Variants in ZNF85 observed in about 807,000 individuals in gnomAD.
The protein encoded by ZNF85 is zinc finger protein 85, also known as zinc finger protein 85 (HPF4, HTF1).
A neutral mutation model predicts 53.9 loss-of-function variants in ZNF85; 50 were observed. The observed-to-expected ratio is 0.93, with a 90% confidence interval of 0.74 to 1.17. The LOEUF (loss-of-function observed/expected upper bound fraction) is 1.17, where lower values mean the gene tolerates loss of function less well. Ranked by LOEUF, ZNF85 falls within the 50% of genes most tolerant of loss-of-function variation. The pLI, the probability that ZNF85 is intolerant of heterozygous loss-of-function variation, is 0.00. For missense variants in ZNF85, 747 were observed against 688.5 expected (o/e 1.08, Z -0.95); for synonymous variants, 225 against 226.1 (o/e 1.00, Z 0.04).
chr19:20,925,588 A>C (rs151059957), intron 1 of ZNF85, among the ~76,000 whole-genome samples: 2 of 152,208 alleles, frequency 1.3e-5, no homozygotes, highest in Non-Finnish European at 2.9e-5. Context: ...TAGTATCCCA[A>C]AAGACAAAAA....
intron 3 of ZNF85, among the ~76,000 whole-genome samples, chr19:20,941,433 T>C (rs563522342): frequency 2.6e-4 from 40 of 152,260 alleles, no homozygotes; most frequent in African/African-American, 8.9e-4. Context: ...CGGCTAATTT[T>C]TATATTTTTA....
chr19:20,928,865 C>T (rs1972940719), intron 1 of ZNF85, among the ~76,000 whole-genome samples: 2 of 152,012 alleles, frequency 1.3e-5, no homozygotes, highest in Admixed American at 1.3e-4. Flanking sequence ...TTTACCCCAC[C>T]CATGAAGTTT....
chr19:20,929,665 C>T (rs1972961440), intron 1 of ZNF85, among the ~76,000 whole-genome samples: 1 of 152,140 alleles, frequency 6.6e-6, no homozygotes. Context: ...CTTAGGTAAG[C>T]TTAGGAAAAA....
chr19:20,926,584 C>CAA (rs34902821), intron 1 of ZNF85, among the ~76,000 whole-genome samples: 202 of 148,860 alleles, frequency 1.4e-3, no homozygotes, highest in Non-Finnish European at 1.9e-3. Context: ...ATTGAGCCTA[C>CAA]AAAAAAAAAA....
intron 1 of ZNF85, among the ~76,000 whole-genome samples, chr19:20,930,761 GA>G (rs760472714): frequency 6.6e-6 from 1 of 152,148 alleles, no homozygotes; most frequent in East Asian, 1.9e-4. Flanking sequence ...GATACTTAAG[GA>G]TGGAGATGGA....
chr19:20,938,262 G>A (rs939648473), intron 3 of ZNF85, among the ~76,000 whole-genome samples: 1 of 152,110 alleles, frequency 6.6e-6, no homozygotes, highest in African/African-American at 2.4e-5. Flanking sequence ...TAGAGACATG[G>A]TTTTACCATG....
rs1390971377 is a variant in ZNF85, at chr19:20,935,638, C to T, written c.229+591C>T. On this transcript the variant is annotated intron_variant, in intron 3 of 3. Transcript: ENST00000328178. ...TGTTTTAGAATTGTATTTTTCATTA[C>T]TGTAAAAGATGCCACTAGAATTTTT... Among the ~76,000 whole-genome samples the T allele has an allele frequency of 2.0e-5, 3 of 151,864 alleles. No homozygotes were observed. In the East Asian group the frequency reaches 5.8e-4, roughly 29 times the overall value.
Position 20,923,271 on chromosome 19 carries a change from C to T in ZNF85, c.-130C>T. The T allele has an allele frequency of 6.9e-7, 1 of 1,449,164 alleles. No individual in the cohort carries two copies. Among genetic ancestry groups the T allele is most frequent in the East Asian group, 2.3e-5 (1 of 43,662 alleles). The allele number at this position is 1,449,164 out of a possible 1,614,324, so 89.8% of individuals were successfully genotyped here. ...GCGGGGCCTTTGTCTCTCGCTGCAG[C>T]CTGAGCTCTAGGTCTTGTTTTCCCT... On this transcript the variant is annotated 5_prime_UTR_variant, in exon 1 of 4. Coordinates refer to ENST00000328178, the MANE Select transcript of ZNF85 (RefSeq NM_003429.5).
chr19:20,926,352 A>AT (rs1326240155), intron 1 of ZNF85, among the ~76,000 whole-genome samples: 1 of 152,136 alleles, frequency 6.6e-6, no homozygotes, highest in South Asian at 2.1e-4. Context: ...TTACTACATG[A>AT]TTTTTTATAG....
chr19:20,945,529 G>C (rs1332801739), intron 3 of ZNF85: 1 of 152,258 alleles, frequency 6.6e-6, no homozygotes, highest in Admixed American at 6.5e-5. Flanking sequence ...CCAGGCTGGA[G>C]TACAGAGTGC....
chr19:20,937,614 T>C (rs748410636), intron 3 of ZNF85, among the ~76,000 whole-genome samples: 11 of 152,194 alleles, frequency 7.2e-5, no homozygotes, highest in Non-Finnish European at 1.3e-4. Flanking sequence ...GCAGGGCTTA[T>C]ATCAGGATGT....
chr19:20,949,342 T>C lies in ZNF85; in HGVS notation c.828T>C (p.His276=), dbSNP rs1568557218. Residue 276 remains histidine (H), a synonymous_variant, in exon 4 of 4, where the codon CAT becomes CAC. Transcript: ENST00000328178. Reference sequence around the variant, plus strand: ...ACCGATTCTCAACTCTTACTACCCATAAGATAATTCATACTGGAGAGAAAC... The same window carrying C: ...ACCGATTCTCAACTCTTACTACCCACAAGATAATTCATACTGGAGAGAAAC... ...TFNRFSTLTT[H]KIIHTGEKPY... 10 of 1,608,922 alleles carry C rather than the reference T, an allele frequency of 6.2e-6. No homozygotes were observed. The highest frequency in any genetic ancestry group is 1.3e-5 in the African/African-American group (1 of 74,710).
intron 3 of ZNF85, among the ~76,000 whole-genome samples, chr19:20,940,260 T>G (rs1973264430): frequency 6.6e-6 from 1 of 152,158 alleles, no homozygotes; most frequent in African/African-American, 2.4e-5. Flanking sequence ...CCAGGCATGG[T>G]TGTGGCTCAC....
intron 3 of ZNF85, chr19:20,946,218 G>C (rs892357310): frequency 1.6e-5 from 5 of 319,390 alleles, no homozygotes; most frequent in Middle Eastern, 9.7e-4. Context: ...ATTATACCCT[G>C]ATTCCATTTT....
intron 3 of ZNF85, among the ~76,000 whole-genome samples, chr19:20,941,900 A>G (rs892901461): frequency 6.6e-6 from 1 of 152,000 alleles, no homozygotes; most frequent in South Asian, 2.1e-4. Context: ...TTCCCCCTTC[A>G]TTTTTATATC....
Position 20,949,931 on chromosome 19 carries a change from A to G in ZNF85, c.1417A>G (p.Lys473Glu), listed in dbSNP as rs748719442. The G allele has an allele frequency of 1.9e-6, 3 of 1,612,368 alleles. No individual in the cohort carries two copies. The highest frequency in any genetic ancestry group is 1.1e-5 in the South Asian group (1 of 90,914). Reference sequence around the variant, plus strand: ...CCAGTCCTCAAATCTTACTAGACATAAGAAAAGTCATACAGAAGAGAAACC... The same window carrying G: ...CCAGTCCTCAAATCTTACTAGACATGAGAAAAGTCATACAGAAGAGAAACC... ...FNQSSNLTRH[K>E]KSHTEEKPYK... The change falls in exon 4 of 4, where the codon AAG becomes GAG. Residue 473 changes from lysine to glutamate, a missense_variant. Lys to Glu is a moderately conservative substitution (Grantham distance 56). Coordinates refer to ENST00000328178, the MANE Select transcript of ZNF85 (RefSeq NM_003429.5).
intron 3 of ZNF85, chr19:20,943,142 G>A (rs1292254494): frequency 5.8e-6 from 2 of 343,052 alleles, no homozygotes; most frequent in Admixed American, 4.8e-5. Flanking sequence ...AAATAAGAAT[G>A]TTGTGTATTC....
chr19:20,943,592 C>T (rs999077070), intron 3 of ZNF85: 1 of 152,132 alleles, frequency 6.6e-6, no homozygotes, highest in African/African-American at 2.4e-5. Flanking sequence ...TCAGGTATTC[C>T]TCTATGTGCA....
chr19:20,947,128 A>G (rs1345735189), intron 3 of ZNF85, among the ~76,000 whole-genome samples: 1 of 151,898 alleles, frequency 6.6e-6, no homozygotes, highest in African/African-American at 2.4e-5. Context: ...GGGTTTACAT[A>G]AAATCTCTAA....
Sources: gnomAD v4.1 joint callset for allele counts (sites outside exome capture counted in the v4.1 genomes callset) on GRCh38, gnomAD v4.1.1 for gene constraint, MANE v1.5 for transcripts, NCBI Gene and HGNC (gene_info 2026-07-23, HGNC 2026-07-21) for gene names.